Variants in TRAK2 observed in about 807,000 individuals in gnomAD.
TRAK2 encodes the protein trafficking kinesin protein 2.
TRAK2 carries 81 observed loss-of-function variants against 104.6 expected under a neutral mutation model. The ratio of observed to expected loss-of-function variants is 0.77; its 90% CI spans 0.65 to 0.93. TRAK2 has a LOEUF of 0.93. Among genes scored for constraint, TRAK2 ranks in the 40% least tolerant of loss-of-function variants. TRAK2 has a pLI of 0.00. For synonymous variants in TRAK2, 406 were observed against 394.4 expected, an observed-to-expected ratio of 1.03 and a Z score of -0.35; for missense variants, 1,002 against 1,089.0, an observed-to-expected ratio of 0.92 and a Z score of 1.12.
intron 1 of TRAK2, among the ~76,000 whole-genome samples, chr2:201,428,766 C>T (rs1255068996): frequency 6.6e-6 from 1 of 152,142 alleles, no homozygotes; most frequent in Non-Finnish European, 1.5e-5. Flanking sequence ...GGCAGTATGG[C>T]CATTTTCACG....
At chr2:201,404,279 C>T (rs529718459) in intron 3 of TRAK2, among the ~76,000 whole-genome samples, 4 of 152,220 alleles carry the variant, frequency 2.6e-5, no homozygotes, top group South Asian at 2.1e-4. Flanking sequence ...CGTCAGTTTT[C>T]GTTGTTGAAA....
chr2:201,418,183 G>C (rs1310945294), intron 2 of TRAK2, among the ~76,000 whole-genome samples: 1 of 152,070 alleles, frequency 6.6e-6, no homozygotes, highest in African/African-American at 2.4e-5. Context: ...TGACAAGCTG[G>C]TTATTATTAT....
At chr2:201,426,106 T>A (rs1951785679) in intron 1 of TRAK2, among the ~76,000 whole-genome samples, 1 of 152,242 alleles carries the variant, frequency 6.6e-6, no homozygotes, top group South Asian at 2.1e-4. Flanking sequence ...TGTACCCATC[T>A]GTGGCCTGTC....
chr2:201,401,227 T>C, intron 3 of TRAK2, 133 bp from the exon 4 acceptor site: 1 of 522,042 alleles, frequency 1.9e-6, no homozygotes, highest in Non-Finnish European at 3.3e-6. Context: ...AATAAAAATA[T>C]ATGTGAAAAA....
chr2:201,412,941 G>T lies in TRAK2; in HGVS notation c.92-5344C>A. The T allele has an allele frequency of 7.7e-6, 6 of 775,432 alleles. No individual in the cohort carries two copies. In the South Asian group the frequency reaches 8.3e-5, roughly 11 times the overall value. 48.0% of individuals were successfully genotyped at this position (775,432 alleles called of 1,614,324 possible). ...AGTTACCAAGAACACTGGCTAAACT[G>T]GCAAAAAACTGGTTCTGTACACAAC... is the stretch of plus-strand genomic sequence containing the variant. On this transcript the variant is annotated intron_variant, in intron 2 of 15. Transcript: ENST00000332624.
intron 13 of TRAK2, among the ~76,000 whole-genome samples, 172 bp downstream of exon 13, chr2:201,387,531 T>C (rs972813831): frequency 6.6e-6 from 1 of 152,188 alleles, no homozygotes; most frequent in Non-Finnish European, 1.5e-5. Flanking sequence ...ACTCTCTTCA[T>C]TCATTAATTT....
At chr2:201,442,544 A>C (rs371938889) in intron 1 of TRAK2, among the ~76,000 whole-genome samples, 3 of 152,330 alleles carry the variant, frequency 2.0e-5, no homozygotes, top group Middle Eastern at 3.4e-3. Context: ...AAAGGTCACA[A>C]CACCATGTGG....
chr2:201,392,642 G>A (rs1247541468), intron 10 of TRAK2, among the ~76,000 whole-genome samples: 1 of 152,046 alleles, frequency 6.6e-6, no homozygotes, highest in Non-Finnish European at 1.5e-5. Context: ...TAGTTCTATG[G>A]TACACAGTCC....
intron 10 of TRAK2, among the ~76,000 whole-genome samples, chr2:201,391,538 T>G (rs559532157): frequency 5.0e-4 from 76 of 152,302 alleles, no homozygotes; most frequent in African/African-American, 1.8e-3. Flanking sequence ...GTATCTCTCA[T>G]AAAATGTTTA....
intron 14 of TRAK2, among the ~76,000 whole-genome samples, chr2:201,384,900 A>C (rs1951374999): frequency 1.3e-5 from 2 of 152,238 alleles, no homozygotes; most frequent in South Asian, 4.1e-4. Flanking sequence ...ACTGAGATAC[A>C]GTGGTTATCT....
chr2:201,449,293 C>T (rs925530263), intron 1 of TRAK2, among the ~76,000 whole-genome samples: 5 of 152,076 alleles, frequency 3.3e-5, no homozygotes, highest in Non-Finnish European at 7.4e-5. Context: ...TTCTGAAGTA[C>T]GTATTAGTTA....
At chr2:201,392,814 A>C in intron 10 of TRAK2, 95 bp downstream of exon 10, 1 of 1,237,710 alleles carries the variant, frequency 8.1e-7, no homozygotes, top group African/African-American at 1.5e-5. Flanking sequence ...TCTCTTCTCC[A>C]GATGTTTTAT....
intron 2 of TRAK2, chr2:201,411,440 A>G: frequency 1.3e-6 from 1 of 744,984 alleles, no homozygotes; most frequent in Non-Finnish European, 2.5e-6. Context: ...TCTCCTCAGA[A>G]ACATTCATTT....
chr2:201,425,371 T>C (rs1025444359), intron 1 of TRAK2, among the ~76,000 whole-genome samples: 2 of 152,226 alleles, frequency 1.3e-5, no homozygotes, highest in Admixed American at 6.5e-5. Context: ...TGCATTTAAA[T>C]GTTATTTTCA....
Position 201,386,413 on chromosome 2 carries a change from C to T in TRAK2, c.1768G>A (p.Gly590Ser). The T allele has an allele frequency of 6.2e-7, 1 of 1,614,146 alleles. No individual in the cohort carries two copies. The highest frequency in any genetic ancestry group is 8.5e-7 in the Non-Finnish European group (1 of 1,180,018). The change falls in exon 14 of 16, where the codon GGT becomes AGT. Residue 590 changes from glycine to serine, a missense_variant. Transcript: ENST00000332624. ...TGGGTAAAGCCTTTAGTAATGACAC[C>T]TGGTCGTGGATCAAGGATGGTTCCC... Reference protein sequence around the residue: ...NLGTILDPRPGVITKGFTQLP... With the variant: ...NLGTILDPRPSVITKGFTQLP...
chr2:201,395,258 G>T, intron 8 of TRAK2, 56 bp downstream of exon 8: 1 of 1,478,410 alleles, frequency 6.8e-7, no homozygotes, highest in Non-Finnish European at 9.4e-7. Flanking sequence ...TTAGCATGGT[G>T]CAAGATACTA....
intron 10 of TRAK2, among the ~76,000 whole-genome samples, chr2:201,392,474 A>G (rs1951457095): frequency 6.6e-6 from 1 of 152,164 alleles, no homozygotes; most frequent in African/African-American, 2.4e-5. Flanking sequence ...TTATAAATGA[A>G]TCAAACAAAG....
At chr2:201,419,264 G>A (rs1951719431) in intron 2 of TRAK2, 1 of 152,722 alleles carries the variant, frequency 6.5e-6, no homozygotes, top group East Asian at 1.9e-4. Context: ...GGCCAACTTC[G>A]GCTTGCTGCC....
intron 1 of TRAK2, among the ~76,000 whole-genome samples, chr2:201,440,132 C>T (rs575329259): frequency 5.3e-5 from 8 of 151,894 alleles, no homozygotes; most frequent in South Asian, 4.2e-4. Context: ...GAAAATAACC[C>T]GCTCATATGT....
Sources: allele counts gnomAD v4.1 joint callset (sites outside exome capture counted in the v4.1 genomes callset), GRCh38; gene constraint gnomAD v4.1.1; transcripts MANE v1.5; gene names NCBI Gene and HGNC (gene_info 2026-07-23, HGNC 2026-07-21).